RNF10: variants seen among roughly 807,000 people sequenced by gnomAD.
The protein encoded by RNF10 is E3 ubiquitin-protein ligase RNF10.
A neutral mutation model predicts 91.4 loss-of-function variants in RNF10; 38 were observed. That is an observed-to-expected ratio of 0.42 (90% CI 0.32 to 0.54). The LOEUF is 0.54. Among genes scored for constraint, RNF10 ranks in the 20% least tolerant of loss-of-function variants. The probability of loss-of-function intolerance (pLI) is 0.16; values close to 1 mark genes in which losing one functional copy is unlikely to be tolerated. For missense variants in RNF10, 945 were observed against 1,012.0 expected (o/e 0.93, Z 0.90); for synonymous variants, 364 against 366.3 (o/e 0.99, Z 0.07).
chr12:120,544,323 C>T (rs1871990044), intron 1 of RNF10, among the ~76,000 whole-genome samples: 1 of 128,512 alleles, frequency 7.8e-6, no homozygotes, highest in African/African-American at 3.0e-5. Flanking sequence ...AGTTGGAAAC[C>T]AATCAGGGTA....
At chr12:120,570,019 AGTAGCT>A (rs538274782) in intron 13 of RNF10, among the ~76,000 whole-genome samples, 58 of 151,798 alleles carry the variant, frequency 3.8e-4, no homozygotes, top group African/African-American at 1.4e-3. Flanking sequence ...CAGCCTCCTG[AGTAGCT>A]GTGTAGCGTG....
intron 14 of RNF10, among the ~76,000 whole-genome samples, chr12:120,573,049 T>C (rs748226473): frequency 5.3e-5 from 8 of 152,166 alleles, no homozygotes; most frequent in African/African-American, 1.2e-4. Context: ...TTTGCTGTTA[T>C]ATATTTGCTT....
chr12:120,556,968 C>T (rs901023802), intron 4 of RNF10, among the ~76,000 whole-genome samples: 3 of 151,374 alleles, frequency 2.0e-5, no homozygotes, highest in Non-Finnish European at 4.4e-5. Flanking sequence ...CTGGCTAACA[C>T]AGTGAAACCC....
intron 10 of RNF10, among the ~76,000 whole-genome samples, chr12:120,564,766 G>A (rs888273667): frequency 1.3e-5 from 2 of 151,824 alleles, no homozygotes; most frequent in Non-Finnish European, 2.9e-5. Context: ...TTCTCTGTTC[G>A]TCCCCCTCAG....
At chr12:120,561,303 T>C (rs1874810831) in intron 7 of RNF10, among the ~76,000 whole-genome samples, 1 of 152,240 alleles carries the variant, frequency 6.6e-6, no homozygotes, top group Admixed American at 6.5e-5. Context: ...CTGCCCAGTA[T>C]GCCTTAGGAG....
rs1056594123 is a variant in RNF10 at position 120,540,599 on chromosome 12, C to G, written c.157+5631C>G. On this transcript the variant is annotated intron_variant, in intron 1 of 16. Transcript: ENST00000325954. ...ACCTTTAGCTGCCTTTTGCCTGGGT[C>G]TAGAGATAAGAGCCAGTCTCTCACT... Among the ~76,000 whole-genome samples, 7 of 152,198 alleles carry G rather than the reference C, an allele frequency of 4.6e-5. No homozygotes were observed. In the East Asian group the frequency reaches 1.2e-3, roughly 25 times the overall value.
At chr12:120,559,896 T>C (rs1874586228) in intron 6 of RNF10, among the ~76,000 whole-genome samples, 1 of 151,098 alleles carries the variant, frequency 6.6e-6, no homozygotes, top group Non-Finnish European at 1.5e-5. Flanking sequence ...AGGGTATCTC[T>C]ATGTTGGCCA....
Position 120,534,851 on chromosome 12 carries a change from G to T in RNF10, c.40G>T (p.Asp14Tyr). 1 of 1,606,582 alleles carries T rather than the reference G, an allele frequency of 6.2e-7. No homozygotes were observed. ...SSPNAAATAS[D>Y]MDKNSGSNSS... ...CCCCAACGCCGCCGCCACCGCCTCC[G>T]ACATGGACAAGAACAGCGGCTCCAA... Residue 14 changes from aspartate (D) to tyrosine (Y), a missense_variant, in exon 1 of 17, where the codon GAC becomes TAC. By Grantham distance (160) the Asp-to-Tyr change is radical. Transcript: ENST00000325954.
chr12:120,554,480 T>G (rs1873663041), intron 3 of RNF10: 1 of 443,272 alleles, frequency 2.3e-6, no homozygotes, highest in Non-Finnish European at 4.1e-6. Context: ...TTGGGGAATT[T>G]GGCTGGACTT....
chr12:120,566,678 C>T, intron 12 of RNF10, 147 bp from the exon 13 acceptor site: 1 of 731,828 alleles, frequency 1.4e-6, no homozygotes, highest in African/African-American at 1.9e-5. Flanking sequence ...GGGAGGATCG[C>T]TTGAGCCTGG....
intron 1 of RNF10, chr12:120,539,345 A>G: frequency 4.3e-6 from 5 of 1,174,356 alleles, no homozygotes; most frequent in Admixed American, 2.3e-5. Flanking sequence ...TCCTGATACC[A>G]CCTCTCTCTT....
intron 2 of RNF10, among the ~76,000 whole-genome samples, chr12:120,551,737 G>GC (rs1873122815): frequency 6.6e-6 from 1 of 152,080 alleles, no homozygotes; most frequent in Admixed American, 6.6e-5. Context: ...GGGCTCAAGT[G>GC]CCCCTCTTCA....
chr12:120,554,546 T>C (rs887136203), intron 3 of RNF10, 172 bp from the exon 4 acceptor site: 2 of 582,646 alleles, frequency 3.4e-6, no homozygotes, highest in Non-Finnish European at 6.2e-6. Context: ...GTCTTTGGGT[T>C]CTTTCCAGAG....
At chr12:120,561,854 T>C (rs892966380) in intron 7 of RNF10, among the ~76,000 whole-genome samples, 2 of 152,238 alleles carry the variant, frequency 1.3e-5, no homozygotes, top group African/African-American at 2.4e-5. Context: ...GAATTAGAGC[T>C]GTCCAGGCTG....
chr12:120,557,085 CAAA>C (rs36018229), intron 4 of RNF10, among the ~76,000 whole-genome samples, 194 bp from the exon 5 acceptor site: 6,256 of 111,296 alleles, frequency 0.056, 219 homozygotes, highest in South Asian at 0.13. Context: ...TGGACCGTCT[CAAA>C]AAAAAAAAAA....
intron 6 of RNF10, among the ~76,000 whole-genome samples, chr12:120,559,934 T>C (rs7138112): frequency 0.56 from 84,184 of 151,498 alleles, 25,539 homozygotes; most frequent in East Asian, 0.77. Flanking sequence ...TAACTTCAGG[T>C]GATCCACCTG....
Position 120,576,858 on chromosome 12 carries a change from T to A in RNF10, c.*192T>A, listed in dbSNP as rs530894010. On this transcript the variant is annotated 3_prime_UTR_variant, in exon 17 of 17. Transcript: ENST00000325954. ...CAGTGTATTTTCCAGCTTCCTGTCT[T>A]TACACCAAAATAAAGTATTGACACA... 4.2e-5 allele frequency: 27 copies of A among 641,900 alleles called. No homozygotes were observed. The South Asian group carries it at 5.4e-4, about 13-fold the overall frequency. The allele number at this position is 641,900 out of a possible 1,614,324, so 39.8% of individuals were successfully genotyped here. A position where few individuals can be genotyped will look rare whatever the true frequency, so the allele number is the denominator to read the frequency against.
chr12:120,559,680 G>A (rs1013803367), intron 6 of RNF10, among the ~76,000 whole-genome samples: 4 of 151,232 alleles, frequency 2.6e-5, no homozygotes, highest in African/African-American at 7.3e-5. Context: ...ACCGTACTCC[G>A]CCTGGTGTTA....
intron 4 of RNF10, among the ~76,000 whole-genome samples, chr12:120,556,746 A>T (rs1004933424): frequency 2.6e-5 from 4 of 152,126 alleles, no homozygotes; most frequent in African/African-American, 9.7e-5. Flanking sequence ...AAATGGGAAT[A>T]TAGTGATTTG....
Sources: gnomAD v4.1 joint callset for allele counts (sites outside exome capture counted in the v4.1 genomes callset) on GRCh38, gnomAD v4.1.1 for gene constraint, MANE v1.5 for transcripts, NCBI Gene and HGNC (gene_info 2026-07-23, HGNC 2026-07-21) for gene names.